The following RPTOR variants were observed in gnomAD, a reference collection of about 807,000 sequenced individuals.
The protein encoded by RPTOR is regulatory associated protein of MTOR complex 1, also known as regulatory-associated protein of mTOR.
RPTOR carries 21 observed loss-of-function variants against 169.9 expected under a neutral mutation model. The ratio of observed to expected loss-of-function variants is 0.12; its 90% CI spans 0.09 to 0.18. The LOEUF is 0.18. Ranked by LOEUF, RPTOR falls within the 10% of genes least tolerant of loss-of-function variation. RPTOR has a pLI of 1.00. For synonymous variants in RPTOR, 732 were observed against 753.2 expected, an observed-to-expected ratio of 0.97 and a Z score of 0.46; for missense variants, 1,133 against 1,855.9, an observed-to-expected ratio of 0.61 and a Z score of 7.16.
intron 1 of RPTOR, among the ~76,000 whole-genome samples, chr17:80,551,451 T>G (rs1220212404): frequency 6.6e-6 from 1 of 151,808 alleles, no homozygotes; most frequent in African/African-American, 2.4e-5. Context: ...GGGGAGAGGG[T>G]CAGCAGACAA....
chr17:80,948,258 C>T (rs532037463), intron 27 of RPTOR, among the ~76,000 whole-genome samples: 3 of 152,360 alleles, frequency 2.0e-5, no homozygotes, highest in South Asian at 2.1e-4. Flanking sequence ...GCCCTCTCAA[C>T]GCGGTTGCGG....
intron 13 of RPTOR, among the ~76,000 whole-genome samples, chr17:80,877,796 C>T (rs534268908): frequency 3.7e-4 from 56 of 152,324 alleles, no homozygotes; most frequent in Admixed American, 2.3e-3. Flanking sequence ...TTGGCCTCCT[C>T]AGCTCGGGGG....
At chr17:80,683,460 G>A (rs904350288) in intron 3 of RPTOR, among the ~76,000 whole-genome samples, 3 of 152,056 alleles carry the variant, frequency 2.0e-5, no homozygotes, top group African/African-American at 7.2e-5. Flanking sequence ...TCTCCGCTGC[G>A]GAGTTGTTTT....
In RPTOR at chr17:80,835,373, G is replaced by A. The variant is rs570038945; in HGVS notation, c.1137-2549G>A. Among the ~76,000 whole-genome samples the A allele has an allele frequency of 7.2e-5, 11 of 152,170 alleles. No individual in the cohort carries two copies. In the East Asian group the frequency reaches 1.9e-3, roughly 27 times the overall value. On this transcript the variant is annotated intron_variant, in intron 9 of 33. Coordinates refer to ENST00000306801, the MANE Select transcript of RPTOR (RefSeq NM_020761.3). ...TGTCATTAACCTAAAAAATAACACA[G>A]AGTCCTCGAGTCTCTTAGAAAATTA...
intron 3 of RPTOR, among the ~76,000 whole-genome samples, chr17:80,702,023 G>T (rs1395199834): frequency 6.6e-6 from 1 of 152,130 alleles, no homozygotes; most frequent in Admixed American, 6.5e-5. Flanking sequence ...GCTCTCCAGG[G>T]TCTGAAGTCT....
chr17:80,829,388 T>G (rs986478243), intron 9 of RPTOR, among the ~76,000 whole-genome samples: 2 of 152,202 alleles, frequency 1.3e-5, no homozygotes, highest in Non-Finnish European at 2.9e-5. Context: ...GCGGGGCGGT[T>G]TTGGCCCACA....
In RPTOR at chr17:80,878,745, G is replaced by A. The variant is rs533791429; in HGVS notation, c.1510-1670G>A. On this transcript the variant is annotated intron_variant, in intron 13 of 33. Coordinates refer to ENST00000306801, the MANE Select transcript of RPTOR (RefSeq NM_020761.3). The surrounding 1 kb of genome is among the most constrained non-coding windows in gnomAD (Gnocchi z 4.1). ...GTTTCAAATCTTGCCCCTTTTCCTC[G>A]GGTTTTGGGCAAATACTTCCCGAAG... Among the ~76,000 whole-genome samples the A allele has an allele frequency of 3.3e-5, 5 of 152,240 alleles. No individual in the cohort carries two copies. Among genetic ancestry groups the A allele is most frequent in the African/African-American group, 9.6e-5 (4 of 41,530 alleles).
At chr17:80,680,964 C>T (rs1013546585) in intron 3 of RPTOR, among the ~76,000 whole-genome samples, 1 of 152,108 alleles carries the variant, frequency 6.6e-6, no homozygotes, top group Non-Finnish European at 1.5e-5. Context: ...CAGGAGACAA[C>T]AGCAAACACA....
intron 4 of RPTOR, among the ~76,000 whole-genome samples, chr17:80,718,507 T>C (rs1164795639): frequency 2.6e-5 from 4 of 152,186 alleles, no homozygotes; most frequent in Admixed American, 1.3e-4. Context: ...AGGGAAAATA[T>C]TGGCCCCTTC....
intron 6 of RPTOR, among the ~76,000 whole-genome samples, chr17:80,772,021 A>G (rs1348507072): frequency 6.6e-6 from 1 of 152,124 alleles, no homozygotes; most frequent in African/African-American, 2.4e-5. Context: ...GGGTCTTGTT[A>G]TATTGGCCAG....
At chr17:80,643,977 A>T (rs536823025) in intron 3 of RPTOR, among the ~76,000 whole-genome samples, 167 bp downstream of exon 3, 1 of 152,240 alleles carries the variant, frequency 6.6e-6, no homozygotes, top group African/African-American at 2.4e-5. Context: ...CCTGCTGGCT[A>T]TTGGTGGCTG....
At chr17:80,656,196 G>A (rs953377696) in intron 3 of RPTOR, among the ~76,000 whole-genome samples, 6 of 152,076 alleles carry the variant, frequency 3.9e-5, no homozygotes, top group Admixed American at 6.5e-5. Flanking sequence ...TCAGCCTCCC[G>A]AGTAGCTGAG....
At chr17:80,868,587 G>A (rs1353740701) in intron 13 of RPTOR, among the ~76,000 whole-genome samples, 1 of 152,174 alleles carries the variant, frequency 6.6e-6, no homozygotes, top group Non-Finnish European at 1.5e-5. Flanking sequence ...ATAAAGATTA[G>A]CACACACTCA....
At chr17:80,718,338 G>A (rs900748204) in intron 4 of RPTOR, among the ~76,000 whole-genome samples, 1 of 152,104 alleles carries the variant, frequency 6.6e-6, no homozygotes, top group Non-Finnish European at 1.5e-5. Context: ...TTTTTGTCTT[G>A]CACTATGTTC....
chr17:80,901,470 G>A (rs961787022), intron 20 of RPTOR, among the ~76,000 whole-genome samples: 25 of 152,050 alleles, frequency 1.6e-4, no homozygotes, highest in African/African-American at 6.0e-4. Context: ...CAATGAGCTG[G>A]AGTTTAGGAA....
chr17:80,858,473 C>T (rs1390440792), intron 13 of RPTOR, among the ~76,000 whole-genome samples: 1 of 152,240 alleles, frequency 6.6e-6, no homozygotes, highest in African/African-American at 2.4e-5. Context: ...CCTCAATCAT[C>T]TAGGCCAGGG....
intron 2 of RPTOR, among the ~76,000 whole-genome samples, chr17:80,639,571 A>C (rs1367892615): frequency 1.3e-5 from 2 of 152,124 alleles, no homozygotes; most frequent in East Asian, 3.9e-4. Context: ...ATCTAAATGG[A>C]GCACACAGCC....
Position 80,776,911 on chromosome 17 carries a change from T to C in RPTOR, c.831-14539T>C, listed in dbSNP as rs193248815. On this transcript the variant is annotated intron_variant, in intron 6 of 33. Coordinates refer to ENST00000306801, the MANE Select transcript of RPTOR (RefSeq NM_020761.3). ...AGTGTGACATCTGGACCAAATCTTT[T>C]TGGTGAACCCAAGTGCTGAGTTATT... Among the ~76,000 whole-genome samples, 370 of 152,284 alleles carry C rather than the reference T, an allele frequency of 2.4e-3. 1 individual carries two copies. The highest frequency in any genetic ancestry group is 8.4e-3 in the African/African-American group (347 of 41,546).
At chr17:80,952,254 C>A (rs189902238) in intron 28 of RPTOR, among the ~76,000 whole-genome samples, 3 of 152,338 alleles carry the variant, frequency 2.0e-5, no homozygotes, top group East Asian at 1.9e-4. Context: ...TTTCCCTCCG[C>A]GGTATTACAT....
Sources: allele counts gnomAD v4.1 joint callset (sites outside exome capture counted in the v4.1 genomes callset), GRCh38; gene constraint gnomAD v4.1.1; non-coding constraint Gnocchi (gnomAD v3.1); transcripts MANE v1.5; gene names NCBI Gene and HGNC (gene_info 2026-07-23, HGNC 2026-07-21).